ANK3: variants seen among roughly 807,000 people sequenced by gnomAD.
The protein encoded by ANK3 is ankyrin 3.
ANK3 carries 57 observed loss-of-function variants against 370.9 expected under a neutral mutation model. The observed-to-expected ratio is 0.15, with a 90% CI of 0.12 to 0.19. The LOEUF (loss-of-function observed/expected upper bound fraction) is 0.19, where lower values mean the gene tolerates loss of function less well. Among genes scored for constraint, ANK3 ranks in the 10% least tolerant of loss-of-function variants. The pLI, the probability that ANK3 is intolerant of heterozygous loss-of-function variation, is 1.00. For missense variants in ANK3, 4,439 were observed against 5,302.1 expected, an observed-to-expected ratio of 0.84 and a Z score of 5.06; for synonymous variants, 1,929 against 1,946.3, an observed-to-expected ratio of 0.99 and a Z score of 0.23.
intron 1 of ANK3, among the ~76,000 whole-genome samples, chr10:60,662,190 G>C (rs551664586): frequency 6.6e-6 from 1 of 152,008 alleles, no homozygotes; most frequent in African/African-American, 2.4e-5. Context: ...ATGAAAAAAT[G>C]CCATGTCTAG....
intron 1 of ANK3, among the ~76,000 whole-genome samples, chr10:60,319,447 G>A (rs746137369): frequency 7.2e-5 from 11 of 152,100 alleles, no homozygotes; most frequent in Admixed American, 2.0e-4. Flanking sequence ...AAGACAACAC[G>A]ACAAATGCCA....
At position 60,451,617 on chromosome 10, in the gene ANK3, C is replaced by T. The variant is rs184607469; in HGVS notation, c.96+163569G>A. Among the ~76,000 whole-genome samples the T allele has an allele frequency of 2.1e-3, 326 of 152,280 alleles. 2 individuals carry two copies. The highest frequency in any genetic ancestry group is 5.3e-3 in the Admixed American group (81 of 15,294). On this transcript the variant is annotated intron_variant, in intron 2 of 43. Transcript: ENST00000373827. The stretch of plus-strand genomic sequence containing the variant: ...ACAGAATCAGACTTTTTTGTCTTTT[C>T]CTTAACATCCCCAACTGCCTATACC...
intron 23 of ANK3, chr10:60,140,081 T>C: frequency 2.0e-6 from 1 of 493,572 alleles, no homozygotes; most frequent in South Asian, 3.6e-5. Context: ...CAGATATATT[T>C]TCCAATTCCT....
intron 1 of ANK3, among the ~76,000 whole-genome samples, chr10:60,328,332 T>C (rs188110218): frequency 6.6e-6 from 1 of 152,344 alleles, no homozygotes; most frequent in East Asian, 1.9e-4. Context: ...GTTAAAAGTG[T>C]TATTGCTAAA....
chr10:60,204,859 GGGGA>G (rs1446481207), intron 11 of ANK3, among the ~76,000 whole-genome samples: 1 of 152,162 alleles, frequency 6.6e-6, no homozygotes, highest in African/African-American at 2.4e-5. Context: ...AGTCCAGGCT[GGGGA>G]GTGAGCGGGG....
Position 60,445,388 on chromosome 10 carries a change from C to A in ANK3, c.97-165749G>T, listed in dbSNP as rs566868167. 2.6e-5 allele frequency among the ~76,000 whole-genome samples: 4 copies of A among 151,792 alleles called. No individual in the cohort carries two copies. In the East Asian group the frequency reaches 7.7e-4, roughly 29 times the overall value. Reference sequence around the variant, plus strand: ...TTGGGCAAAAGAGCAAGACCCTGTGCCAAAAAACAAACAAGCAAGCAAGCA... The same window carrying A: ...TTGGGCAAAAGAGCAAGACCCTGTGACAAAAAACAAACAAGCAAGCAAGCA... On this transcript the variant is annotated intron_variant, in intron 2 of 43. Transcript: ENST00000373827.
At chr10:60,370,960 G>GCATT (rs746512482) in intron 1 of ANK3, among the ~76,000 whole-genome samples, 20 of 152,114 alleles carry the variant, frequency 1.3e-4, no homozygotes, top group Non-Finnish European at 1.5e-4. Flanking sequence ...CAATCCCTGT[G>GCATT]CATTCCATTC....
chr10:60,562,416 G>T (rs1486656240), intron 2 of ANK3, among the ~76,000 whole-genome samples: 2 of 151,752 alleles, frequency 1.3e-5, no homozygotes, highest in African/African-American at 2.4e-5. Flanking sequence ...TTCGGGGGGG[G>T]CATCCGTGGG....
At chr10:60,077,772 G>A (rs566117545) in intron 36 of ANK3, among the ~76,000 whole-genome samples, 1 of 152,284 alleles carries the variant, frequency 6.6e-6, no homozygotes, top group Admixed American at 6.5e-5. Flanking sequence ...TGGGGTGTGT[G>A]TATATATGTT....
intron 1 of ANK3, among the ~76,000 whole-genome samples, chr10:60,377,321 G>T (rs1364844390): frequency 6.6e-6 from 1 of 152,142 alleles, no homozygotes; most frequent in Non-Finnish European, 1.5e-5. Context: ...ATTTCAAGGG[G>T]TTACTAGAAG....
At chr10:60,322,694 GACAA>G (rs1257431824) in intron 1 of ANK3, among the ~76,000 whole-genome samples, 1 of 152,014 alleles carries the variant, frequency 6.6e-6, no homozygotes, top group Non-Finnish European at 1.5e-5. Flanking sequence ...AGGGTACAGT[GACAA>G]ACAAAACAAA....
chr10:60,707,125 C>T (rs2133424877), intron 1 of ANK3, among the ~76,000 whole-genome samples: 1 of 151,974 alleles, frequency 6.6e-6, no homozygotes, highest in Admixed American at 6.6e-5. Flanking sequence ...TTTAAAAAAC[C>T]AACAATCGAA....
Position 60,073,983 on chromosome 10 carries a change from C to T in ANK3, c.6898G>A (p.Val2300Met). 1 of 1,614,036 alleles carries T rather than the reference C, an allele frequency of 6.2e-7. No homozygotes were observed. Among genetic ancestry groups the T allele is most frequent in the Admixed American group, 1.7e-5 (1 of 60,012 alleles). The change falls in exon 37 of 44, where the codon GTG (valine) becomes ATG (methionine). Residue 2300 changes from valine (V) to methionine (M), a missense_variant. This residue lies in a region of ANK3 where 1,601 missense variants were observed against 1,731.7 expected (regional missense o/e 0.92). Coordinates refer to ENST00000280772, the MANE Select transcript of ANK3 (RefSeq NM_020987.5). The stretch of plus-strand genomic sequence containing the variant: ...GCAGACTTGTGAACATCTGGAGACA[C>T]TGCCGACTTATGTTCAAACAGACCT... ...LAGLFEHKSA[V>M]SPDVHKSAAE...
chr10:60,205,612 C>T (rs1432323785), intron 11 of ANK3, among the ~76,000 whole-genome samples, 180 bp downstream of exon 11: 1 of 152,158 alleles, frequency 6.6e-6, no homozygotes, highest in African/African-American at 2.4e-5. Context: ...ACTCACCCAC[C>T]AACATGTTTG....
intron 43 of ANK3, among the ~76,000 whole-genome samples, chr10:60,032,121 C>A (rs530345093): frequency 6.6e-6 from 1 of 150,714 alleles, no homozygotes; most frequent in African/African-American, 2.4e-5. Flanking sequence ...TTCTCTAAAC[C>A]CCTCCCCCTG....
intron 25 of ANK3, among the ~76,000 whole-genome samples, chr10:60,127,573 A>G (rs953601518): frequency 6.6e-6 from 1 of 152,148 alleles, no homozygotes; most frequent in Non-Finnish European, 1.5e-5. Context: ...AGGAAGATAA[A>G]CTAATTGGTT....
intron 25 of ANK3, among the ~76,000 whole-genome samples, chr10:60,122,846 T>G (rs1296656532): frequency 6.6e-6 from 1 of 152,224 alleles, no homozygotes; most frequent in African/African-American, 2.4e-5. Context: ...GGCATTATAG[T>G]AATACACATA....
chr10:60,426,394 A>G (rs2132964870), intron 2 of ANK3, among the ~76,000 whole-genome samples: 1 of 152,254 alleles, frequency 6.6e-6, no homozygotes, highest in African/African-American at 2.4e-5. Context: ...AATAACCTAT[A>G]CAAAGCCTCC....
chr10:60,572,912 GAC>G (rs766693649), intron 2 of ANK3: 133 of 1,005,936 alleles, frequency 1.3e-4, no homozygotes, highest in East Asian at 5.9e-4. Flanking sequence ...GAGAGAGAGA[GAC>G]ACACACACAC....
Sources: allele counts gnomAD v4.1 joint callset (sites outside exome capture counted in the v4.1 genomes callset), GRCh38; gene constraint gnomAD v4.1.1; regional missense constraint gnomAD v4.1.1; transcripts MANE v1.5; gene names NCBI Gene and HGNC (gene_info 2026-07-23, HGNC 2026-07-21).